Variants in SCEL observed in about 807,000 individuals in gnomAD.
SCEL encodes sciellin.
A neutral mutation model predicts 117.6 loss-of-function variants in SCEL; 113 were observed. The observed-to-expected ratio is 0.96, with a 90% CI of 0.83 to 1.12. The LOEUF (loss-of-function observed/expected upper bound fraction) is 1.12. Ranked by LOEUF, SCEL falls within the 50% of genes most tolerant of loss-of-function variation. SCEL has a pLI of 0.00. For synonymous variants in SCEL, 270 were observed against 256.2 expected (o/e 1.05, Z -0.51); for missense variants, 785 against 810.8 (o/e 0.97, Z 0.39).
intron 28 of SCEL, among the ~76,000 whole-genome samples, chr13:77,632,070 TC>T (rs1408131536): frequency 6.6e-6 from 1 of 152,232 alleles, no homozygotes; most frequent in African/African-American, 2.4e-5. Context: ...GGATTCCAGT[TC>T]TGTGGCATTA....
At chr13:77,610,803 C>T (rs952437098) in intron 22 of SCEL, among the ~76,000 whole-genome samples, 7 of 152,064 alleles carry the variant, frequency 4.6e-5, no homozygotes, top group African/African-American at 1.7e-4. Flanking sequence ...TGTCTACCAC[C>T]CAAACAACTC....
At chr13:77,571,712 C>CATAT (rs35655886) in intron 8 of SCEL, among the ~76,000 whole-genome samples, 6,700 of 144,936 alleles carry the variant, frequency 0.046, 176 homozygotes, top group African/African-American at 0.073. Flanking sequence ...AAAAATAAAA[C>CATAT]ATATATATAT....
intron 10 of SCEL, among the ~76,000 whole-genome samples, chr13:77,590,471 T>C (rs189349646): frequency 8.5e-4 from 130 of 152,264 alleles, no homozygotes; most frequent in Admixed American, 3.3e-3. Flanking sequence ...TCTTCTAGTA[T>C]TGAGCAATTA....
intron 27 of SCEL, among the ~76,000 whole-genome samples, chr13:77,619,408 A>T (rs549618489): frequency 6.6e-6 from 1 of 152,324 alleles, no homozygotes; most frequent in Admixed American, 6.5e-5. Flanking sequence ...TTCAAGAAAG[A>T]AAGTACACCC....
chr13:77,631,733 G>T (rs1223347783), intron 28 of SCEL, among the ~76,000 whole-genome samples: 1 of 152,132 alleles, frequency 6.6e-6, no homozygotes, highest in South Asian at 2.1e-4. Flanking sequence ...CTAGCATTTG[G>T]TTTTTGTTCA....
intron 5 of SCEL, among the ~76,000 whole-genome samples, chr13:77,567,443 G>C (rs955233233): frequency 1.3e-5 from 2 of 152,142 alleles, no homozygotes; most frequent in African/African-American, 4.8e-5. Context: ...AACAGAGCAA[G>C]ACTCCATCTC....
chr13:77,639,171 A>G lies in SCEL; in HGVS notation c.1839-1505A>G, dbSNP rs183752488. Among the ~76,000 whole-genome samples, 92 of 152,216 alleles carry G rather than the reference A, an allele frequency of 6.0e-4. 1 individual carries two copies. Among genetic ancestry groups the G allele is most frequent in the Non-Finnish European group, 6.2e-4 (42 of 67,990 alleles). Reference sequence around the variant, plus strand: ...CAGCTCCTAGATCAGTGCCTGTGGAATGGATGAAGGACATAGAGCACCTAT... The same window carrying G: ...CAGCTCCTAGATCAGTGCCTGTGGAGTGGATGAAGGACATAGAGCACCTAT... On this transcript the variant is annotated intron_variant, in intron 30 of 32. Transcript: ENST00000349847.
At position 77,568,336 on chromosome 13, in the gene SCEL, A is replaced by G. The variant is rs769841206; in HGVS notation, c.398+3A>G. 1 of 1,544,336 alleles carries G rather than the reference A, an allele frequency of 6.5e-7. No homozygotes were observed. Among genetic ancestry groups the G allele is most frequent in the Non-Finnish European group, 8.9e-7 (1 of 1,122,820 alleles). On this transcript the variant is annotated splice_donor_region_variant and intron_variant, in intron 7 of 32. Coordinates refer to ENST00000349847, the MANE Select transcript of SCEL (RefSeq NM_144777.3). ...AGATCACTGGAAGTAACAAAGTTGTATGTATTCTTTCTAATTGTAGTATAT... is the reference window on the plus strand; with the variant it reads ...AGATCACTGGAAGTAACAAAGTTGTGTGTATTCTTTCTAATTGTAGTATAT...
chr13:77,586,230 G>C (rs2086557642), intron 9 of SCEL, among the ~76,000 whole-genome samples: 2 of 152,018 alleles, frequency 1.3e-5, no homozygotes, highest in South Asian at 4.1e-4. Flanking sequence ...TCACCTTTGT[G>C]ACCTTCTCCC....
Position 77,588,993 on chromosome 13 carries a change from T to C in SCEL, c.546-151T>C, listed in dbSNP as rs999285618. The C allele has an allele frequency of 5.0e-6, 3 of 603,336 alleles. No individual in the cohort carries two copies. In the African/African-American group the frequency reaches 5.6e-5, roughly 11 times the overall value. 37.4% of individuals were successfully genotyped at this position (603,336 alleles called of 1,614,324 possible). A position where few individuals can be genotyped will look rare whatever the true frequency, so the allele number is the denominator to read the frequency against. On this transcript the variant is annotated intron_variant, in intron 9 of 32. Coordinates refer to ENST00000349847, the MANE Select transcript of SCEL (RefSeq NM_144777.3). Reference sequence around the variant, plus strand: ...ATTTGACTTCTTTAAAGTTTAGTGCTCCATGGATTCTGACCTTTCAGGTAC... The same window carrying C: ...ATTTGACTTCTTTAAAGTTTAGTGCCCCATGGATTCTGACCTTTCAGGTAC...
intron 9 of SCEL, among the ~76,000 whole-genome samples, chr13:77,588,725 T>G (rs995512089): frequency 2.0e-5 from 3 of 152,194 alleles, no homozygotes; most frequent in Non-Finnish European, 4.4e-5. Context: ...TTAAAGCCTT[T>G]TCTTGCTGTT....
At chr13:77,618,400 T>C (rs1455613586) in intron 27 of SCEL, among the ~76,000 whole-genome samples, 1 of 152,146 alleles carries the variant, frequency 6.6e-6, no homozygotes, top group Non-Finnish European at 1.5e-5. Flanking sequence ...CAGGGTGGTC[T>C]CAAATTTCTG....
At position 77,644,405 on chromosome 13, in the gene SCEL, G is replaced by C; in HGVS notation, c.*131G>C. On this transcript the variant is annotated 3_prime_UTR_variant, in exon 33 of 33. Coordinates refer to ENST00000349847, the MANE Select transcript of SCEL (RefSeq NM_144777.3). The stretch of plus-strand genomic sequence containing the variant: ...ACTCTTGTACAAAATTAACAATTCT[G>C]TTATTGCATAAGTAATCTAATTGTC... 7 of 876,254 alleles carry C rather than the reference G, an allele frequency of 8.0e-6. No homozygotes were observed. The South Asian group carries it at 1.1e-4, about 14-fold the overall frequency. 54.3% of individuals were successfully genotyped at this position (876,254 alleles called of 1,614,324 possible).
intron 1 of SCEL, among the ~76,000 whole-genome samples, chr13:77,547,168 C>T (rs956852973): frequency 5.9e-5 from 9 of 152,220 alleles, no homozygotes; most frequent in African/African-American, 1.9e-4. Context: ...TGTCCTCTCC[C>T]ATTGGAACAT....
chr13:77,550,179 A>G (rs951922613), intron 1 of SCEL, among the ~76,000 whole-genome samples: 17 of 151,938 alleles, frequency 1.1e-4, no homozygotes, highest in African/African-American at 4.1e-4. Context: ...TGAGGCCAGG[A>G]GTTTGAGAAC....
At chr13:77,632,840 T>C (rs1311595402) in intron 28 of SCEL, among the ~76,000 whole-genome samples, 1 of 152,246 alleles carries the variant, frequency 6.6e-6, no homozygotes, top group Non-Finnish European at 1.5e-5. Context: ...TTCTGCCATC[T>C]TCAAAATATT....
chr13:77,591,566 A>T, intron 11 of SCEL, 106 bp downstream of exon 11: 1 of 677,066 alleles, frequency 1.5e-6, no homozygotes, highest in South Asian at 2.0e-5. Flanking sequence ...AGACAAAATC[A>T]GTTTTCCAAC....
intron 9 of SCEL, among the ~76,000 whole-genome samples, chr13:77,588,167 G>C (rs1004095932): frequency 4.6e-5 from 7 of 152,132 alleles, no homozygotes; most frequent in African/African-American, 1.7e-4. Context: ...AGCTCACAGA[G>C]AGCCTTCCTT....
intron 28 of SCEL, among the ~76,000 whole-genome samples, chr13:77,632,012 T>C (rs1271434616): frequency 6.6e-6 from 1 of 152,250 alleles, no homozygotes; most frequent in Non-Finnish European, 1.5e-5. Flanking sequence ...GCCTTTCCTC[T>C]GTACACAGAA....
Sources: gnomAD v4.1 joint callset for allele counts (sites outside exome capture counted in the v4.1 genomes callset) on GRCh38, gnomAD v4.1.1 for gene constraint, MANE v1.5 for transcripts, NCBI Gene and HGNC (gene_info 2026-07-23, HGNC 2026-07-21) for gene names.